The following GATA3 variants were observed in gnomAD, a reference collection of about 807,000 sequenced individuals.
The protein encoded by GATA3 is trans-acting T-cell-specific transcription factor GATA-3.
Under a neutral mutation model 36.0 loss-of-function variants are expected in GATA3, and 6 were observed. The observed-to-expected ratio is 0.17, with a 90% CI of 0.09 to 0.33. The LOEUF (loss-of-function observed/expected upper bound fraction) is 0.33. GATA3 is among the 10% of genes least tolerant of loss of function. GATA3 has a pLI of 1.00. For synonymous variants in GATA3, 326 were observed against 273.0 expected, an observed-to-expected ratio of 1.19 and a Z score of -1.92; for missense variants, 514 against 610.1, an observed-to-expected ratio of 0.84 and a Z score of 1.66.
rs142458929 is a variant in GATA3 at position 8,057,781 on chromosome 10, C to T, written c.242-524C>T. ...CCTGTATTTGGTGCTGGGAGCTGGG[C>T]CTGACTCCAGGGTCGTTTTCTGGTG... On this transcript the variant is annotated intron_variant, in intron 2 of 5. Transcript: ENST00000379328. Among the ~76,000 whole-genome samples, 88 of 152,260 alleles carry T rather than the reference C, an allele frequency of 5.8e-4. 1 individual carries two copies. Among genetic ancestry groups the T allele is most frequent in the African/African-American group, 2.1e-3 (86 of 41,562 alleles).
chr10:8,052,007 C>T (rs1050141305), upstream of GATA3, among the ~76,000 whole-genome samples: 1 of 152,188 alleles, frequency 6.6e-6, no homozygotes, highest in Non-Finnish European at 1.5e-5. Flanking sequence ...GCTCCGGGCT[C>T]CGGGGCTGGG....
At chr10:8,063,772 G>A (rs561084057) in intron 3 of GATA3, among the ~76,000 whole-genome samples, 6 of 152,186 alleles carry the variant, frequency 3.9e-5, no homozygotes, top group African/African-American at 1.2e-4. Context: ...CCCCTTCTGC[G>A]GGCGCCTCCG....
At chr10:8,051,123 A>T (rs1384027783), upstream of GATA3, 1 of 448,282 alleles carries the variant, frequency 2.2e-6, no homozygotes, top group Middle Eastern at 5.5e-4. Flanking sequence ...CCCCACTTCC[A>T]CTGGGACAGG....
chr10:8,051,044 G>T, upstream of GATA3: 2 of 526,688 alleles, frequency 3.8e-6, no homozygotes, highest in Non-Finnish European at 7.8e-6. Flanking sequence ...GTAGCCCTAG[G>T]GCTGAGCCCC....
At position 8,074,729 on chromosome 10, in the gene GATA3, TAAG is replaced by T. The variant is rs1343799324; in HGVS notation, c.*709_*711del. On this transcript the variant is annotated 3_prime_UTR_variant, in exon 6 of 6. Transcript: ENST00000379328. ...GTATGTATAATTCAAAGCACCAAAA[TAAG>T]AAAAGATGTAGATTTATTTCATCAT... The T allele has an allele frequency of 2.1e-5, 5 of 233,604 alleles. No homozygotes were observed. The highest frequency in any genetic ancestry group is 3.4e-5 in the Non-Finnish European group (4 of 118,060). 14.5% of individuals were successfully genotyped at this position (233,604 alleles called of 1,614,324 possible).
At chr10:8,049,333 A>T (rs1832432933), upstream of GATA3, among the ~76,000 whole-genome samples, 1 of 152,174 alleles carries the variant, frequency 6.6e-6, no homozygotes, top group Non-Finnish European at 1.5e-5. Flanking sequence ...CTTTCCCCCA[A>T]GTTCCCTGCT....
intron 2 of GATA3, 137 bp downstream of exon 2, chr10:8,056,033 A>T: frequency 1.6e-6 from 2 of 1,247,998 alleles, no homozygotes; most frequent in South Asian, 2.7e-5. Flanking sequence ...TTACAAAAAA[A>T]TTGGGGCCCG....
intron 3 of GATA3, 125 bp from the exon 4 acceptor site, chr10:8,063,868 T>A: frequency 7.6e-7 from 1 of 1,309,224 alleles, no homozygotes; most frequent in Non-Finnish European, 1.1e-6. Flanking sequence ...GTGGACACGC[T>A]CCCCAAAAGA....
rs2131521087 is a variant in GATA3 at position 8,073,841 on chromosome 10, G to A, written c.1153G>A (p.Asp385Asn). The A allele has an allele frequency of 3.1e-6, 5 of 1,614,000 alleles. No individual in the cohort carries two copies. In the East Asian group the frequency reaches 1.1e-4, roughly 36 times the overall value. ...CAAAAAAGTGCATGACTCACTGGAGGACTTCCCCAAGAACAGCTCGTTTAA... is the reference window on the plus strand; with the variant it reads ...CAAAAAAGTGCATGACTCACTGGAGAACTTCCCCAAGAACAGCTCGTTTAA... ...KCKKVHDSLE[D>N]FPKNSSFNPA... The change falls in exon 6 of 6, where the codon GAC (aspartate) becomes AAC (asparagine). Residue 385 changes from aspartate (D) to asparagine (N), a missense_variant. Around this residue, in one of 3 missense-constraint regions of GATA3, gnomAD observed 89 missense variants for 104.2 expected, o/e 0.85. Transcript: ENST00000379328.
rs759593548 is a variant in GATA3, at chr10:8,064,135, G to A, written c.921G>A (p.Arg307=). 6.2e-7 allele frequency: 1 copy of A among 1,614,116 alleles called. No individual in the cohort carries two copies. Among genetic ancestry groups the A allele is most frequent in the Non-Finnish European group, 8.5e-7 (1 of 1,180,026 alleles). The change falls in exon 4 of 6, where the codon AGG becomes AGA. Residue 307 remains arginine (R), a synonymous_variant. Transcript: ENST00000379328. ...GGCCCCTCATTAAGCCCAAGCGAAG[G>A]CTGGTAAGTTCTCGGGAAGGGATGG... The part of the protein sequence containing the change: ...QNRPLIKPKR[R]LSAARRAGTS...
At chr10:8,051,928 C>G (rs1219346800), upstream of GATA3, among the ~76,000 whole-genome samples, 1 of 152,170 alleles carries the variant, frequency 6.6e-6, no homozygotes, top group Non-Finnish European at 1.5e-5. Flanking sequence ...CCCGTGGGTC[C>G]CGAGGCCGAC....
intron 3 of GATA3, among the ~76,000 whole-genome samples, chr10:8,063,398 G>T (rs1832781820): frequency 6.6e-6 from 1 of 152,200 alleles, no homozygotes; most frequent in African/African-American, 2.4e-5. Flanking sequence ...TTTGCAGTTT[G>T]ATTGGAAGTA....
At chr10:8,057,329 G>A (rs1290599176) in intron 2 of GATA3, among the ~76,000 whole-genome samples, 1 of 152,148 alleles carries the variant, frequency 6.6e-6, no homozygotes, top group Non-Finnish European at 1.5e-5. Context: ...CTTTTTAAAT[G>A]TACCCCTCAG....
rs55947422 is a variant in GATA3 at position 8,046,648 on chromosome 10, AGTGTGT to A, written c.-370+1172_-370+1177del. ...ATGCTTGGGGGCCCAAATGGCTGGC[AGTGTGT>A]GTGTGTGTGTGTGTGTGTGTGTGTG... On this transcript the variant is annotated intron_variant, in intron 1 of 1. Coordinates refer to the GATA3 transcript ENST00000643001. Among the ~76,000 whole-genome samples, 819 of 137,748 alleles carry A rather than the reference AGTGTGT, an allele frequency of 5.9e-3. 7 individuals are homozygous for A. Among genetic ancestry groups the A allele is most frequent in the Middle Eastern group, 0.022 (6 of 278 alleles). The allele number at this position is 137,748 out of a possible 152,430, so 90.4% of individuals were successfully genotyped here.
At chr10:8,057,214 C>T (rs369421) in intron 2 of GATA3, among the ~76,000 whole-genome samples, 130,160 of 152,196 alleles carry the variant, frequency 0.86, 55,702 homozygotes, top group East Asian at 0.96. Context: ...CCTTCCTCTC[C>T]CTTAAGATTT....
intron 4 of GATA3, 80 bp downstream of exon 4, chr10:8,064,218 T>C (rs1832795710): frequency 6.3e-7 from 1 of 1,576,044 alleles, no homozygotes; most frequent in Admixed American, 1.7e-5. Flanking sequence ...GACAGCTTTC[T>C]GCAGGAAATT....
In GATA3 at chr10:8,058,456, C is replaced by T. The variant is rs959805514; in HGVS notation, c.393C>T (p.Ser131=). 2 of 1,612,876 alleles carry T rather than the reference C, an allele frequency of 1.2e-6. No homozygotes were observed. The highest frequency in any genetic ancestry group is 1.7e-6 in the Non-Finnish European group (2 of 1,179,902). The change falls in exon 3 of 6, where the codon TCC becomes TCT. Residue 131 remains serine (S), a synonymous_variant. Transcript: ENST00000379328. The part of the protein sequence containing the change: ...SIHHGSPGPL[S]VYPPASSSSL... ...ACCACGGCTCCCCGGGGCCCCTCTC[C>T]GTCTACCCCCCGGCCTCGTCCTCCT...
intron 5 of GATA3, among the ~76,000 whole-genome samples, chr10:8,070,608 G>A (rs1008942024): frequency 1.3e-5 from 2 of 152,076 alleles, no homozygotes; most frequent in African/African-American, 4.8e-5. Flanking sequence ...TTTTGCTTGC[G>A]GCGGTTCTGG....
intron 5 of GATA3, among the ~76,000 whole-genome samples, chr10:8,070,153 G>A (rs1056960233): frequency 6.6e-6 from 1 of 152,206 alleles, no homozygotes; most frequent in Non-Finnish European, 1.5e-5. Flanking sequence ...TTCGTCTGAT[G>A]TCTTTGTCCG....
Sources: gnomAD v4.1 joint callset for allele counts (sites outside exome capture counted in the v4.1 genomes callset) on GRCh38, gnomAD v4.1.1 for gene constraint, gnomAD v4.1.1 regional missense constraint, MANE v1.5 for transcripts, NCBI Gene and HGNC (gene_info 2026-07-23, HGNC 2026-07-21) for gene names.